Variants in SOX5 observed in about 807,000 individuals in gnomAD.
SOX5 encodes the protein transcription factor SOX-5.
A neutral mutation model predicts 92.0 loss-of-function variants in SOX5; 9 were observed. That is an observed-to-expected ratio of 0.10 (90% CI 0.06 to 0.17). The LOEUF (loss-of-function observed/expected upper bound fraction) is 0.17. SOX5 is among the 10% of genes least tolerant of loss of function. The pLI, the probability that SOX5 is intolerant of heterozygous loss-of-function variation, is 1.00. For missense variants in SOX5, 642 were observed against 944.5 expected (o/e 0.68, Z 4.20); for synonymous variants, 344 against 336.3 (o/e 1.02, Z -0.25).
chr12:23,578,150 A>T (rs918205341), intron 9 of SOX5, among the ~76,000 whole-genome samples: 1 of 135,308 alleles, frequency 7.4e-6, no homozygotes, highest in Non-Finnish European at 1.6e-5. Flanking sequence ...AAAAAAAAAA[A>T]CTATAGGGGC....
intron 1 of SOX5, among the ~76,000 whole-genome samples, chr12:24,536,572 G>C (rs145923135): frequency 6.6e-6 from 1 of 152,102 alleles, no homozygotes; most frequent in Non-Finnish European, 1.5e-5. Context: ...ATACAGTTTA[G>C]ATAGTAAATA....
In SOX5 at chr12:24,174,580, G is replaced by A. The variant is rs185648808; in HGVS notation, c.-2+38763C>T. ...TTCTGCCTTAAGAAAAGAGAACTTT[G>A]GGAGGCTGAGGTGGGCAGATCACCT... On this transcript the variant is annotated intron_variant, in intron 4 of 4. Transcript: ENST00000446891. Among the ~76,000 whole-genome samples, 36 of 152,224 alleles carry A rather than the reference G, an allele frequency of 2.4e-4. No individual in the cohort carries two copies. In the South Asian group the frequency reaches 4.8e-3, roughly 20 times the overall value.
In SOX5 at chr12:24,392,644, T is replaced by C. The variant is rs998546505; in HGVS notation, c.-250-24005A>G. Reference sequence around the variant, plus strand: ...ATTTCTTTCATCTGATTAATCGCTATCTTCACCTATTATATATTTATTTAT... The same window carrying C: ...ATTTCTTTCATCTGATTAATCGCTACCTTCACCTATTATATATTTATTTAT... On this transcript the variant is annotated intron_variant, in intron 1 of 4. Coordinates refer to the SOX5 transcript ENST00000446891. Among the ~76,000 whole-genome samples, 3 of 152,080 alleles carry C rather than the reference T, an allele frequency of 2.0e-5. No individual in the cohort carries two copies. In the East Asian group the frequency reaches 5.8e-4, roughly 29 times the overall value.
intron 9 of SOX5, among the ~76,000 whole-genome samples, chr12:23,583,915 C>T (rs1409974096): frequency 2.0e-5 from 3 of 152,056 alleles, no homozygotes; most frequent in Non-Finnish European, 2.9e-5. Context: ...AACTACACAA[C>T]TGTTTAATGA....
chr12:23,712,683 A>G (rs1366607568), intron 6 of SOX5, among the ~76,000 whole-genome samples: 1 of 152,222 alleles, frequency 6.6e-6, no homozygotes, highest in Non-Finnish European at 1.5e-5. Flanking sequence ...TCAGAGTGCT[A>G]TAGACTATAT....
At chr12:23,679,254 A>G (rs567529711) in intron 6 of SOX5, among the ~76,000 whole-genome samples, 1 of 152,256 alleles carries the variant, frequency 6.6e-6, no homozygotes, top group African/African-American at 2.4e-5. Context: ...TCCAAACCTC[A>G]GTCTCTCACA....
chr12:23,860,965 A>C (rs200752068), intron 2 of SOX5, among the ~76,000 whole-genome samples: 21 of 140,118 alleles, frequency 1.5e-4, no homozygotes, highest in African/African-American at 3.8e-4. Context: ...AAAAAAAAAA[A>C]AAAAAAAAAA....
chr12:23,986,970 G>A (rs1033327351), intron 4 of SOX5, among the ~76,000 whole-genome samples: 3 of 152,104 alleles, frequency 2.0e-5, no homozygotes. Flanking sequence ...TAGAAAAAAA[G>A]AATATTTACT....
chr12:23,703,261 C>A (rs1292771861), intron 6 of SOX5, among the ~76,000 whole-genome samples: 2 of 151,978 alleles, frequency 1.3e-5, no homozygotes, highest in African/African-American at 2.4e-5. Context: ...ACAATAGCTG[C>A]CAGCACTGAC....
chr12:23,575,831 A>G lies in SOX5; in HGVS notation c.1172T>C (p.Val391Ala). 9 of 1,564,384 alleles carry G rather than the reference A, an allele frequency of 5.8e-6. No individual in the cohort carries two copies. Among genetic ancestry groups the G allele is most frequent in the Non-Finnish European group, 7.8e-6 (9 of 1,157,992 alleles). Residue 391 changes from valine to alanine, a missense_variant, in exon 10 of 15, where the codon GTG becomes GCG. By Grantham distance (64) the Val-to-Ala change is moderately conservative (BLOSUM62 0). Around this residue, in one of 8 missense-constraint regions of SOX5, gnomAD observed 324 missense variants for 461.6 expected, o/e 0.70. Transcript: ENST00000451604. ...AGCTGATAGGTTCAGTGGCTGTGCC[A>G]CTTCATCCTGCAATGATCATTAGAA... ...NSPPPKSKDE[V>A]AQPLNLSAKP...
rs147764910 is a variant in SOX5, at chr12:24,029,433, C to T, written c.-1-133409G>A. Among the ~76,000 whole-genome samples, 35 of 151,954 alleles carry T rather than the reference C, an allele frequency of 2.3e-4. 1 individual carries two copies. The highest frequency in any genetic ancestry group is 7.5e-4 in the African/African-American group (31 of 41,490). ...AGGACTACAGATATGTAACACCACA[C>T]CTGGCTGTTTTTTTAGTTTTTTGTA... On this transcript the variant is annotated intron_variant, in intron 4 of 4. Transcript: ENST00000446891.
At chr12:24,005,657 C>A (rs895819364) in intron 4 of SOX5, among the ~76,000 whole-genome samples, 5 of 152,120 alleles carry the variant, frequency 3.3e-5, no homozygotes, top group Non-Finnish European at 5.9e-5. Context: ...CATGATATTT[C>A]TTTAAAATCC....
rs569176238 is a variant in SOX5, at chr12:24,410,645, C to CT, written c.-250-42007dup. ...TGTTGTGAGTCAATTTCTGGCTTCT[C>CT]TGTTTTTTTCCTCCATTGATATAAG... On this transcript the variant is annotated intron_variant, in intron 1 of 4. Coordinates refer to the SOX5 transcript ENST00000446891. Among the ~76,000 whole-genome samples the CT allele has an allele frequency of 9.9e-5, 15 of 152,262 alleles. No homozygotes were observed. The South Asian group carries it at 2.9e-3, about 29-fold the overall frequency.
At chr12:23,901,064 A>C (rs941930041) in intron 1 of SOX5, among the ~76,000 whole-genome samples, 9 of 152,224 alleles carry the variant, frequency 5.9e-5, no homozygotes, top group African/African-American at 9.6e-5. Flanking sequence ...TTGCATGTGT[A>C]ATTAAATTAA....
chr12:24,324,906 T>TC (rs1950537266), intron 2 of SOX5, among the ~76,000 whole-genome samples: 1 of 151,710 alleles, frequency 6.6e-6, no homozygotes. Flanking sequence ...TACTGAATCT[T>TC]TTTAAGTTTC....
At chr12:23,656,406 T>C (rs539799665) in intron 7 of SOX5, among the ~76,000 whole-genome samples, 3 of 152,206 alleles carry the variant, frequency 2.0e-5, no homozygotes, top group African/African-American at 4.8e-5. Flanking sequence ...GAAATGGAAC[T>C]GGTTACATGA....
intron 3 of SOX5, among the ~76,000 whole-genome samples, chr12:24,235,085 T>C (rs867134893): frequency 6.6e-5 from 10 of 152,332 alleles, no homozygotes; most frequent in Middle Eastern, 3.4e-3. Flanking sequence ...TTTTGCTTTT[T>C]AAAATCTCCT....
chr12:23,785,870 A>C (rs1261100471), intron 3 of SOX5, among the ~76,000 whole-genome samples: 2 of 152,060 alleles, frequency 1.3e-5, no homozygotes, highest in East Asian at 3.8e-4. Flanking sequence ...GAAGAATTAT[A>C]GTTTTTTTAG....
At chr12:23,678,958 G>C (rs2086140527) in intron 6 of SOX5, among the ~76,000 whole-genome samples, 1 of 151,930 alleles carries the variant, frequency 6.6e-6, no homozygotes, top group African/African-American at 2.4e-5. Context: ...AATTTTAAAT[G>C]ACAAAAACCT....
Sources: gnomAD v4.1 joint callset for allele counts (sites outside exome capture counted in the v4.1 genomes callset) on GRCh38, gnomAD v4.1.1 for gene constraint, gnomAD v4.1.1 regional missense constraint, MANE v1.5 for transcripts, NCBI Gene and HGNC (gene_info 2026-07-23, HGNC 2026-07-21) for gene names.